The following BARX2 variants were observed in gnomAD, a reference collection of about 807,000 sequenced individuals.
BARX2 encodes homeobox protein BarH-like 2.
Under a neutral mutation model 25.5 loss-of-function variants are expected in BARX2, and 11 were observed. The observed-to-expected ratio is 0.43, with a 90% confidence interval of 0.27 to 0.71. The LOEUF (loss-of-function observed/expected upper bound fraction) is 0.71. Ranked by LOEUF, BARX2 falls within the 30% of genes least tolerant of loss-of-function variation. The pLI, the probability that BARX2 is intolerant of heterozygous loss-of-function variation, is 0.19. For missense variants in BARX2, 360 were observed against 359.9 expected (o/e 1.00, Z 0.00); for synonymous variants, 137 against 149.5 (o/e 0.92, Z 0.61).
At chr11:129,411,371 CAAAA>C (rs34667411) in intron 1 of BARX2, among the ~76,000 whole-genome samples, 2 of 53,862 alleles carry the variant, frequency 3.7e-5, no homozygotes, top group Non-Finnish European at 4.2e-5. Context: ...ACTCCATCTC[CAAAA>C]AAAAAAAAAA....
chr11:129,433,818 CT>C (rs1271122569), intron 1 of BARX2, among the ~76,000 whole-genome samples: 2 of 152,206 alleles, frequency 1.3e-5, no homozygotes, highest in Non-Finnish European at 2.9e-5. Context: ...TAGTTTATCA[CT>C]ACCTGGCACT....
At chr11:129,421,397 C>T (rs1316309907) in intron 1 of BARX2, among the ~76,000 whole-genome samples, 2 of 152,172 alleles carry the variant, frequency 1.3e-5, no homozygotes, top group Non-Finnish European at 2.9e-5. Context: ...ACAGAGCTTC[C>T]CTTTCCTCCT....
At chr11:129,408,098 C>T (rs911574802) in intron 1 of BARX2, among the ~76,000 whole-genome samples, 3 of 140,508 alleles carry the variant, frequency 2.1e-5, no homozygotes, top group Middle Eastern at 3.8e-3. Flanking sequence ...AGCGGGCAAA[C>T]AGAACAACCT....
chr11:129,449,440 G>T (rs1324576272), intron 3 of BARX2, among the ~76,000 whole-genome samples: 3 of 152,140 alleles, frequency 2.0e-5, no homozygotes, highest in Non-Finnish European at 2.9e-5. Context: ...TTTATAAATA[G>T]CGAAAATATC....
chr11:129,414,397 T>C (rs1861922429), intron 1 of BARX2, among the ~76,000 whole-genome samples: 1 of 152,202 alleles, frequency 6.6e-6, no homozygotes, highest in Non-Finnish European at 1.5e-5. Context: ...AAGTATAGTC[T>C]TTCATTCTAA....
In BARX2 at chr11:129,451,462, G is replaced by C; in HGVS notation, c.*60G>C. On this transcript the variant is annotated 3_prime_UTR_variant, in exon 4 of 4. Transcript: ENST00000281437. Reference sequence around the variant, plus strand: ...GAGAAGGGAAAAGAGAGAAGGCAGGGAGAGTAGGGAGAGAAAACCTTCCAG... The same window carrying C: ...GAGAAGGGAAAAGAGAGAAGGCAGGCAGAGTAGGGAGAGAAAACCTTCCAG... The C allele has an allele frequency of 6.4e-7, 1 of 1,553,368 alleles. No homozygotes were observed. The highest frequency in any genetic ancestry group is 8.7e-7 in the Non-Finnish European group (1 of 1,145,840).
chr11:129,401,403 G>A (rs1239448409), intron 1 of BARX2, among the ~76,000 whole-genome samples: 1 of 152,178 alleles, frequency 6.6e-6, no homozygotes, highest in East Asian at 1.9e-4. Flanking sequence ...AACCAGAGGG[G>A]TTGGAAAATA....
chr11:129,389,491 TA>T (rs1861646160), intron 1 of BARX2, among the ~76,000 whole-genome samples: 1 of 152,174 alleles, frequency 6.6e-6, no homozygotes, highest in Admixed American at 6.5e-5. Flanking sequence ...CAGAATTTTA[TA>T]AATTCATAAA....
intron 2 of BARX2, among the ~76,000 whole-genome samples, chr11:129,439,819 T>C (rs1240072092): frequency 6.6e-6 from 1 of 151,946 alleles, no homozygotes; most frequent in Admixed American, 6.6e-5. Flanking sequence ...CCCAGTGGAG[T>C]GGGCACCTTT....
intron 1 of BARX2, among the ~76,000 whole-genome samples, chr11:129,426,004 CT>C (rs368509688): frequency 0.049 from 6,498 of 132,438 alleles, 140 homozygotes; most frequent in East Asian, 0.13. Flanking sequence ...GCCCTTCCTC[CT>C]TTTTTTTTTT....
In BARX2 at chr11:129,411,232, G is replaced by A. The variant is rs188653120; in HGVS notation, c.188-25519G>A. Among the ~76,000 whole-genome samples, 676 of 152,180 alleles carry A rather than the reference G, an allele frequency of 4.4e-3. 1 individual carries two copies. The highest frequency in any genetic ancestry group is 7.3e-3 in the Non-Finnish European group (499 of 67,984). Reference sequence around the variant, plus strand: ...TAAAAATACAAAAAATTAGCCGGGCGTGGTGGCAGATGCCTGTAGTCCCAG... The same window carrying A: ...TAAAAATACAAAAAATTAGCCGGGCATGGTGGCAGATGCCTGTAGTCCCAG... On this transcript the variant is annotated intron_variant, in intron 1 of 3. Transcript: ENST00000281437.
intron 1 of BARX2, among the ~76,000 whole-genome samples, chr11:129,403,526 GT>G (rs1192945712): frequency 6.6e-6 from 1 of 152,108 alleles, no homozygotes. Flanking sequence ...AGAGGTGGTG[GT>G]GCCCCGCTTC....
At chr11:129,411,890 G>A (rs1861891149) in intron 1 of BARX2, among the ~76,000 whole-genome samples, 1 of 152,198 alleles carries the variant, frequency 6.6e-6, no homozygotes, top group South Asian at 2.1e-4. Flanking sequence ...ATAGAAAATA[G>A]GACTCCTGTC....
In BARX2 at chr11:129,436,800, G is replaced by A. The variant is rs778519365; in HGVS notation, c.237G>A (p.Gln79=). 4 of 1,612,206 alleles carry A rather than the reference G, an allele frequency of 2.5e-6. No homozygotes were observed. Among genetic ancestry groups the A allele is most frequent in the East Asian group, 2.2e-5 (1 of 44,830 alleles). The part of the protein sequence containing the change: ...AYPLLSVITR[Q]PTVISHLVPA... ...CGCTCCTCTCGGTGATCACCCGCCA[G>A]CCCACTGTCATCTCCCACCTGGTCC... Residue 79 remains glutamine, a synonymous_variant, in exon 2 of 4, where the codon CAG becomes CAA. Coordinates refer to ENST00000281437, the MANE Select transcript of BARX2 (RefSeq NM_003658.5). The surrounding 1 kb of genome is among the most constrained non-coding windows in gnomAD (Gnocchi z 4.5).
At chr11:129,395,207 A>G (rs1340522588) in intron 1 of BARX2, among the ~76,000 whole-genome samples, 1 of 152,178 alleles carries the variant, frequency 6.6e-6, no homozygotes, top group African/African-American at 2.4e-5. Flanking sequence ...TTTGATTTTT[A>G]AAATGCTTTT....
chr11:129,385,278 C>T (rs1335694625), intron 1 of BARX2, among the ~76,000 whole-genome samples: 4 of 152,122 alleles, frequency 2.6e-5, no homozygotes, highest in Non-Finnish European at 5.9e-5. Flanking sequence ...CCCTAGGGCT[C>T]AGCAGTTCCA....
chr11:129,379,195 G>C (rs1309281727), intron 1 of BARX2, among the ~76,000 whole-genome samples: 2 of 152,100 alleles, frequency 1.3e-5, no homozygotes, highest in Non-Finnish European at 2.9e-5. Context: ...TTCCCTGTAA[G>C]CCTCACCACA....
chr11:129,384,372 C>T (rs1188444112), intron 1 of BARX2, among the ~76,000 whole-genome samples: 1 of 152,014 alleles, frequency 6.6e-6, no homozygotes, highest in Non-Finnish European at 1.5e-5. Context: ...GAAATAGTGG[C>T]TATATTTCTG....
intron 3 of BARX2, among the ~76,000 whole-genome samples, chr11:129,446,522 G>C (rs570614868): frequency 6.6e-6 from 1 of 152,198 alleles, no homozygotes; most frequent in South Asian, 2.1e-4. Context: ...TGCCATATAG[G>C]ATACAGCCAA....
Sources: gnomAD v4.1 joint callset for allele counts (sites outside exome capture counted in the v4.1 genomes callset) on GRCh38, gnomAD v4.1.1 for gene constraint, Gnocchi (gnomAD v3.1) non-coding constraint, MANE v1.5 for transcripts, NCBI Gene and HGNC (gene_info 2026-07-23, HGNC 2026-07-21) for gene names.